Variants in FAM3C observed in about 807,000 individuals in gnomAD.
FAM3C encodes the protein FAM3 metabolism regulating signaling molecule C.
Under a neutral mutation model 32.5 loss-of-function variants are expected in FAM3C, and 15 were observed. That is an observed-to-expected ratio of 0.46 (90% confidence interval 0.31 to 0.71). FAM3C has a LOEUF of 0.71. Among genes scored for constraint, FAM3C ranks in the 30% least tolerant of loss-of-function variants. FAM3C has a pLI of 0.05. For synonymous variants in FAM3C, 75 were observed against 86.1 expected (o/e 0.87, Z 0.72); for missense variants, 175 against 274.4 (o/e 0.64, Z 2.56).
intron 3 of FAM3C, among the ~76,000 whole-genome samples, 186 bp from the exon 4 acceptor site, chr7:121,372,325 A>G (rs1311810879): frequency 6.6e-6 from 1 of 152,208 alleles, no homozygotes; most frequent in East Asian, 1.9e-4. Context: ...AAACTATTAA[A>G]TAATTATGGA....
chr7:121,383,977 C>T (rs1794413392), intron 1 of FAM3C, among the ~76,000 whole-genome samples: 1 of 152,000 alleles, frequency 6.6e-6, no homozygotes, highest in Admixed American at 6.6e-5. Flanking sequence ...TCTAGTAATT[C>T]ACAGAATGTG....
chr7:121,388,041 T>C (rs1425557724), intron 1 of FAM3C, among the ~76,000 whole-genome samples: 1 of 152,108 alleles, frequency 6.6e-6, no homozygotes, highest in Admixed American at 6.6e-5. Flanking sequence ...TGAAAAAATA[T>C]TAACATTTAA....
chr7:121,379,403 A>G (rs145187754), intron 2 of FAM3C, among the ~76,000 whole-genome samples: 70 of 152,126 alleles, frequency 4.6e-4, no homozygotes, highest in South Asian at 3.5e-3. Flanking sequence ...TTTTTCAAAA[A>G]CAGTGGAACT....
rs1349956659 is a variant in FAM3C, at chr7:121,372,900, G to A, written c.119-761C>T. Reference sequence around the variant, plus strand: ...TAGTTCTGTACTATTTTAGATAATTGTGAACTTCCTGTAGGTCCAATACTC... The same window carrying A: ...TAGTTCTGTACTATTTTAGATAATTATGAACTTCCTGTAGGTCCAATACTC... On this transcript the variant is annotated intron_variant, in intron 3 of 9. Transcript: ENST00000359943. 2.0e-5 allele frequency among the ~76,000 whole-genome samples: 3 copies of A among 152,108 alleles called. No individual in the cohort carries two copies. In the East Asian group the frequency reaches 5.8e-4, roughly 29 times the overall value.
chr7:121,357,455 G>T (rs1413812121), intron 8 of FAM3C, among the ~76,000 whole-genome samples: 7 of 151,982 alleles, frequency 4.6e-5, no homozygotes, highest in African/African-American at 1.7e-4. Context: ...TAACACAACT[G>T]GTAAATCACT....
At chr7:121,387,915 G>A (rs1794495196) in intron 1 of FAM3C, among the ~76,000 whole-genome samples, 1 of 151,996 alleles carries the variant, frequency 6.6e-6, no homozygotes, top group Non-Finnish European at 1.5e-5. Flanking sequence ...TATTGCACAT[G>A]CAGACGGCTG....
At chr7:121,366,631 G>C (rs372752393) in intron 5 of FAM3C, among the ~76,000 whole-genome samples, 2 of 152,162 alleles carry the variant, frequency 1.3e-5, no homozygotes, top group Non-Finnish European at 2.9e-5. Context: ...GACTGTGGCA[G>C]AGATTGCATA....
chr7:121,395,461 T>C (rs1483584337), intron 1 of FAM3C, among the ~76,000 whole-genome samples: 1 of 149,080 alleles, frequency 6.7e-6, no homozygotes, highest in East Asian at 1.9e-4. Context: ...TAATATTTTT[T>C]CTTAAAAAAA....
At chr7:121,369,674 T>C (rs2116912469) in intron 5 of FAM3C, among the ~76,000 whole-genome samples, 1 of 152,338 alleles carries the variant, frequency 6.6e-6, no homozygotes, top group East Asian at 1.9e-4. Context: ...CTTAGATCTT[T>C]AGCTGTTCAA....
intron 8 of FAM3C, among the ~76,000 whole-genome samples, chr7:121,359,766 TA>T (rs1793883493): frequency 6.6e-6 from 1 of 152,016 alleles, no homozygotes; most frequent in African/African-American, 2.4e-5. Context: ...TGAAGAATAT[TA>T]ATGCTAGGAA....
chr7:121,355,136 C>G (rs140105173), intron 8 of FAM3C, among the ~76,000 whole-genome samples: 5 of 152,238 alleles, frequency 3.3e-5, no homozygotes, highest in African/African-American at 9.6e-5. Flanking sequence ...TATCATCCAA[C>G]CAAAGCATGA....
At chr7:121,372,213 G>T in intron 3 of FAM3C, 74 bp from the exon 4 acceptor site, 1 of 968,992 alleles carries the variant, frequency 1.0e-6, no homozygotes, top group Non-Finnish European at 1.6e-6. Flanking sequence ...ATATATTTAG[G>T]TCCACAAAAA....
Position 121,384,101 on chromosome 7 carries a change from G to C in FAM3C, c.-41-1091C>G, listed in dbSNP as rs949828713. Among the ~76,000 whole-genome samples, 25 of 152,022 alleles carry C rather than the reference G, an allele frequency of 1.6e-4. 1 individual carries two copies. The highest frequency in any genetic ancestry group is 2.6e-4 in the Non-Finnish European group (18 of 67,996). On this transcript the variant is annotated intron_variant, in intron 1 of 9. Transcript: ENST00000359943. ...GGGCTTCAGCAGGGTTCTGGGGGGC[G>C]GGGGAGTCTGGACAGCTCCCAAAAG...
At chr7:121,380,477 A>C (rs987473344) in intron 2 of FAM3C, among the ~76,000 whole-genome samples, 2 of 152,080 alleles carry the variant, frequency 1.3e-5, no homozygotes, top group Non-Finnish European at 1.5e-5. Flanking sequence ...CTCATTCATA[A>C]GCAAAAGCTA....
At chr7:121,359,461 A>G (rs1450637577) in intron 8 of FAM3C, among the ~76,000 whole-genome samples, 1 of 152,098 alleles carries the variant, frequency 6.6e-6, no homozygotes, top group Non-Finnish European at 1.5e-5. Flanking sequence ...TAATGCCAAA[A>G]AATGTGTCTT....
At position 121,350,419 on chromosome 7, in the gene FAM3C, A is replaced by G. The variant is rs1258961778; in HGVS notation, c.*42T>C. On this transcript the variant is annotated 3_prime_UTR_variant, in exon 10 of 10. Transcript: ENST00000359943. ...CTCTGCCATTTATAGCTCTCCCATT[A>G]AGAGTGAAAGTGCGCTTTCTTCAAT... 6.2e-6 allele frequency: 10 copies of G among 1,609,678 alleles called. No homozygotes were observed. Among genetic ancestry groups the G allele is most frequent in the Non-Finnish European group, 7.6e-6 (9 of 1,178,468 alleles).
chr7:121,382,986 T>C lies in FAM3C; in HGVS notation c.-17A>G. 3 of 1,598,684 alleles carry C rather than the reference T, an allele frequency of 1.9e-6. No homozygotes were observed. The highest frequency in any genetic ancestry group is 2.6e-6 in the Non-Finnish European group (3 of 1,168,890). On this transcript the variant is annotated 5_prime_UTR_variant, in exon 2 of 10. The change creates a new upstream start codon in the 5' untranslated region. Coordinates refer to ENST00000359943, the MANE Select transcript of FAM3C (RefSeq NM_014888.3). ...TACCCTCATGTTTGGTTTTTCAGTT[T>C]ATGGCACTTTTCATTAATATGCTCC...
chr7:121,357,998 C>T (rs919380971), intron 8 of FAM3C, among the ~76,000 whole-genome samples: 17 of 151,310 alleles, frequency 1.1e-4, no homozygotes, highest in South Asian at 6.3e-4. Context: ...AAATTTTACA[C>T]GTAATAGCCT....
At chr7:121,384,094 G>T (rs755996443) in intron 1 of FAM3C, among the ~76,000 whole-genome samples, 25 of 152,044 alleles carry the variant, frequency 1.6e-4, no homozygotes, top group Non-Finnish European at 3.1e-4. Context: ...GCAGGGTTCT[G>T]GGGGGCGGGG....
Sources: allele counts gnomAD v4.1 joint callset (sites outside exome capture counted in the v4.1 genomes callset), GRCh38; gene constraint gnomAD v4.1.1; transcripts MANE v1.5; gene names NCBI Gene and HGNC (gene_info 2026-07-23, HGNC 2026-07-21).